The following STK32A variants were observed in gnomAD, a reference collection of about 807,000 sequenced individuals.
STK32A encodes the protein serine/threonine kinase 32A.
Under a neutral mutation model 53.2 loss-of-function variants are expected in STK32A, and 41 were observed. The observed-to-expected ratio is 0.77, with a 90% CI of 0.60 to 1.00. The LOEUF is 1.00. Ranked by LOEUF, STK32A falls within the 50% of genes least tolerant of loss-of-function variation. The probability of loss-of-function intolerance (pLI) is 0.00; values close to 1 mark genes in which losing one functional copy is unlikely to be tolerated. For synonymous variants in STK32A, 166 were observed against 162.8 expected (o/e 1.02, Z -0.15); for missense variants, 458 against 485.8 (o/e 0.94, Z 0.54).
intron 3 of STK32A, among the ~76,000 whole-genome samples, chr5:147,278,987 C>T (rs1045316012): frequency 6.6e-6 from 1 of 152,076 alleles, no homozygotes; most frequent in Non-Finnish European, 1.5e-5. Context: ...CTATTTTCAC[C>T]AAAATGCTGT....
At chr5:147,378,003 T>A (rs1053288850) in intron 11 of STK32A, among the ~76,000 whole-genome samples, 1 of 152,138 alleles carries the variant, frequency 6.6e-6, no homozygotes, top group Non-Finnish European at 1.5e-5. Context: ...GATTATGAAC[T>A]ATTTTTCTGA....
chr5:147,401,784 C>T, the STK32A span: 10 of 1,508,390 alleles, frequency 6.6e-6, no homozygotes, highest in South Asian at 5.0e-5. Context: ...CTAAGCCTAC[C>T]CAGGACTGTG....
intron 2 of STK32A, among the ~76,000 whole-genome samples, chr5:147,249,363 C>G (rs1753883287): frequency 6.6e-6 from 1 of 152,076 alleles, no homozygotes; most frequent in Non-Finnish European, 1.5e-5. Flanking sequence ...TGGTGACTGG[C>G]ACACAGTAAT....
chr5:147,283,046 A>G (rs1332113369), intron 4 of STK32A, among the ~76,000 whole-genome samples: 1 of 152,244 alleles, frequency 6.6e-6, no homozygotes, highest in Admixed American at 6.5e-5. Context: ...ATGATAGGCC[A>G]TAAAATGAGC....
At chr5:147,390,478 C>CAAAAA (rs151186049), downstream of STK32A, among the ~76,000 whole-genome samples, 34 of 110,878 alleles carry the variant, frequency 3.1e-4, 2 homozygotes, top group East Asian at 2.9e-3. Context: ...GGGGAAAGAC[C>CAAAAA]AAAAAAAAAA....
At chr5:147,256,938 A>G (rs767975061) in intron 2 of STK32A, among the ~76,000 whole-genome samples, 8 of 152,212 alleles carry the variant, frequency 5.3e-5, no homozygotes, top group Non-Finnish European at 1.0e-4. Flanking sequence ...TGGGGATCAA[A>G]GAAATGCATT....
chr5:147,292,926 T>G (rs953916111), intron 4 of STK32A, among the ~76,000 whole-genome samples: 6 of 152,210 alleles, frequency 3.9e-5, no homozygotes, highest in African/African-American at 1.4e-4. Context: ...CTTGTTCTGT[T>G]TGATATTGGG....
chr5:147,281,455 A>C (rs1053860860), intron 4 of STK32A, among the ~76,000 whole-genome samples: 6 of 152,210 alleles, frequency 3.9e-5, no homozygotes, highest in Admixed American at 1.3e-4. Flanking sequence ...TAAAAATTGC[A>C]AAATGCTCTA....
intron 8 of STK32A, among the ~76,000 whole-genome samples, chr5:147,362,264 AG>A (rs1284664848): frequency 6.6e-6 from 1 of 152,236 alleles, no homozygotes; most frequent in East Asian, 1.9e-4. Flanking sequence ...TACTGCAGAC[AG>A]GATGGCTTAA....
intron 6 of STK32A, among the ~76,000 whole-genome samples, chr5:147,347,497 A>C (rs1755745713): frequency 6.6e-6 from 1 of 152,188 alleles, no homozygotes; most frequent in African/African-American, 2.4e-5. Flanking sequence ...GATTATCAGG[A>C]TTCCAGCCAG....
chr5:147,326,930 G>A (rs997743364), intron 5 of STK32A, among the ~76,000 whole-genome samples: 4 of 152,014 alleles, frequency 2.6e-5, no homozygotes, highest in African/African-American at 9.7e-5. Flanking sequence ...TGTTGCCTAG[G>A]CTGGCCTTGA....
intron 12 of STK32A, 34 bp from the exon 13 acceptor site, chr5:147,383,856 A>T: frequency 1.4e-6 from 2 of 1,410,138 alleles, no homozygotes; most frequent in Non-Finnish European, 9.7e-7. Flanking sequence ...TTTTTCAAAG[A>T]ATAAAACATC....
At position 147,239,586 on chromosome 5, in the gene STK32A, T is replaced by C. The variant is rs2151937273; in HGVS notation, c.-49T>C. On this transcript the variant is annotated 5_prime_UTR_variant, in exon 2 of 13. Coordinates refer to ENST00000397936, the MANE Select transcript of STK32A (RefSeq NM_001112724.2). ...CATGTTTTGAGCGAAGATGGGTGTT[T>C]CTGCCCGGATAGTATAAATCGAGGA... 3 of 1,480,144 alleles carry C rather than the reference T, an allele frequency of 2.0e-6. No individual in the cohort carries two copies. The highest frequency in any genetic ancestry group is 2.8e-6 in the Non-Finnish European group (3 of 1,083,064). The allele number at this position is 1,480,144 out of a possible 1,614,324, so 91.7% of individuals were successfully genotyped here. A position where few individuals can be genotyped will look rare whatever the true frequency, so the allele number is the denominator to read the frequency against.
At chr5:147,282,210 C>G (rs1383610324) in intron 4 of STK32A, among the ~76,000 whole-genome samples, 1 of 151,898 alleles carries the variant, frequency 6.6e-6, no homozygotes, top group Non-Finnish European at 1.5e-5. Context: ...AAAGCAAAAA[C>G]AAAACCAAAA....
intron 4 of STK32A, among the ~76,000 whole-genome samples, chr5:147,315,550 T>C (rs759644876): frequency 3.9e-5 from 6 of 151,974 alleles, no homozygotes; most frequent in Non-Finnish European, 7.4e-5. Flanking sequence ...GAAAATAAAA[T>C]AGAGGTTACC....
intron 2 of STK32A, among the ~76,000 whole-genome samples, chr5:147,263,045 G>T (rs1754654382): frequency 6.6e-6 from 1 of 152,188 alleles, no homozygotes; most frequent in African/African-American, 2.4e-5. Context: ...CTCTGAAGAA[G>T]AAGTTTTCTT....
At chr5:147,357,848 C>T (rs1756322586) in intron 7 of STK32A, among the ~76,000 whole-genome samples, 1 of 151,960 alleles carries the variant, frequency 6.6e-6, no homozygotes, top group Admixed American at 6.6e-5. Flanking sequence ...AAATAAGTCC[C>T]TTTCCATGCT....
chr5:147,249,908 C>CA (rs35848112), intron 2 of STK32A, among the ~76,000 whole-genome samples: 17,177 of 58,280 alleles, frequency 0.29, 3,372 homozygotes, highest in Admixed American at 0.38. Flanking sequence ...GCCTCTGTCT[C>CA]AAAAAAAAAA....
At chr5:147,238,980 C>G (rs917375946) in intron 1 of STK32A, among the ~76,000 whole-genome samples, 1 of 152,042 alleles carries the variant, frequency 6.6e-6, no homozygotes, top group Non-Finnish European at 1.5e-5. Flanking sequence ...AAATGTATGT[C>G]TGTCCCATTC....
Sources: allele counts gnomAD v4.1 joint callset (sites outside exome capture counted in the v4.1 genomes callset), GRCh38; gene constraint gnomAD v4.1.1; transcripts MANE v1.5; gene names NCBI Gene and HGNC (gene_info 2026-07-23, HGNC 2026-07-21).